Variants in ACYP1 observed in about 807,000 individuals in gnomAD.
The protein encoded by ACYP1 is acylphosphatase-1.
ACYP1 carries 8 observed loss-of-function variants against 10.4 expected under a neutral mutation model. The ratio of observed to expected loss-of-function variants is 0.77; its 90% CI spans 0.45 to 1.38. ACYP1 has a LOEUF of 1.38. Among genes scored for constraint, ACYP1 ranks in the 40% most tolerant of loss-of-function variants. The pLI is 0.00. For missense variants in ACYP1, 93 were observed against 117.3 expected (o/e 0.79, Z 0.96); for synonymous variants, 38 against 40.8 (o/e 0.93, Z 0.26).
intron 2 of ACYP1, among the ~76,000 whole-genome samples, chr14:75,054,532 T>A (rs530865281): frequency 6.6e-6 from 1 of 151,748 alleles, no homozygotes; most frequent in African/African-American, 2.4e-5. Flanking sequence ...TATTAAGTCA[T>A]TGATTGTTAA....
In ACYP1 at chr14:75,053,598, T is replaced by C; in HGVS notation, c.146A>G (p.Gln49Arg). ...GGAGATGGGACCTTGCAATTGTCCT[T>C]GCACTGTGCCCCGGTCAGTGTTCTG... ...WVQNTDRGTV[Q>R]GQLQGPISKV... Residue 49 changes from glutamine (Q) to arginine (R), a missense_variant, in exon 3 of 3, where the codon CAA becomes CGA. Physicochemically the swap from Gln to Arg is conservative, Grantham distance 43. Transcript: ENST00000238618. 6.2e-7 allele frequency: 1 copy of C among 1,614,168 alleles called. No individual in the cohort carries two copies. The highest frequency in any genetic ancestry group is 1.3e-5 in the African/African-American group (1 of 75,034).
intron 2 of ACYP1, among the ~76,000 whole-genome samples, chr14:75,054,861 A>G (rs1292539166): frequency 6.6e-6 from 1 of 151,388 alleles, no homozygotes; most frequent in African/African-American, 2.4e-5. Flanking sequence ...TAAAAGAAGA[A>G]TGCTGAGAAT....
At chr14:75,055,816 A>G (rs1892863733) in intron 2 of ACYP1, among the ~76,000 whole-genome samples, 1 of 151,546 alleles carries the variant, frequency 6.6e-6, no homozygotes, top group Non-Finnish European at 1.5e-5. Flanking sequence ...AATAGAGAAA[A>G]TCAATAAAAC....
intron 2 of ACYP1, among the ~76,000 whole-genome samples, chr14:75,062,632 GGTGAAACCCT>G (rs965244480): frequency 1.4e-5 from 2 of 143,046 alleles, no homozygotes; most frequent in Non-Finnish European, 3.0e-5. Flanking sequence ...TGGCCAAGAT[GGTGAAACCCT>G]GTCTCTACTA....
At chr14:75,054,113 C>G (rs759749649) in intron 2 of ACYP1, among the ~76,000 whole-genome samples, 14 of 152,190 alleles carry the variant, frequency 9.2e-5, no homozygotes, top group Non-Finnish European at 1.0e-4. Flanking sequence ...GTAAACAAAT[C>G]CAGATGAATT....
Position 75,053,422 on chromosome 14 carries a change from T to G in ACYP1, c.*22A>C. 6.2e-7 allele frequency: 1 copy of G among 1,605,100 alleles called. No individual in the cohort carries two copies. Among genetic ancestry groups the G allele is most frequent in the Non-Finnish European group, 8.5e-7 (1 of 1,172,026 alleles). On this transcript the variant is annotated 3_prime_UTR_variant, in exon 3 of 3. Transcript: ENST00000238618. ...AAAAACCAAACCACTGAGTTTATCT[T>G]AGAAAACTTAAATTCAGGCCATTAT...
intron 2 of ACYP1, among the ~76,000 whole-genome samples, chr14:75,055,391 C>G (rs998929848): frequency 2.0e-5 from 3 of 151,306 alleles, no homozygotes; most frequent in Admixed American, 6.6e-5. Context: ...CTGGCCTTAT[C>G]TGAACTCTTG....
In ACYP1 at chr14:75,060,040, A is replaced by G. The variant is rs1892979383; in HGVS notation, c.84+3430T>C. On this transcript the variant is annotated intron_variant, in intron 2 of 2. Transcript: ENST00000238618. The stretch of plus-strand genomic sequence containing the variant: ...AAGCGTTCTGTAGATAAACAGAACA[A>G]TGTGAATGTGCTTAAGACCACTGAA... 5 of 411,996 alleles carry G rather than the reference A, an allele frequency of 1.2e-5. No individual in the cohort carries two copies. The South Asian group carries it at 2.9e-4, about 24-fold the overall frequency. 25.5% of individuals were successfully genotyped at this position (411,996 alleles called of 1,614,324 possible). A position where few individuals can be genotyped will look rare whatever the true frequency, so the allele number is the denominator to read the frequency against.
chr14:75,053,750 A>T, intron 2 of ACYP1, 91 bp from the exon 3 acceptor site: 1 of 1,210,246 alleles, frequency 8.3e-7, no homozygotes, highest in South Asian at 1.3e-5. Context: ...GCCTAGAATC[A>T]AGCCACTGAA....
At chr14:75,066,070 C>T (rs961515676), upstream of ACYP1, among the ~76,000 whole-genome samples, 17 of 152,224 alleles carry the variant, frequency 1.1e-4, no homozygotes, top group African/African-American at 4.1e-4. Flanking sequence ...CTAGATATTG[C>T]TTTCCAAGTA....
intron 2 of ACYP1, 174 bp downstream of exon 2, chr14:75,063,296 A>G (rs901849759): frequency 8.3e-6 from 5 of 601,728 alleles, no homozygotes; most frequent in African/African-American, 1.9e-5. Flanking sequence ...TCTTCCATTT[A>G]CACCATGTTT....
At chr14:75,054,841 G>C (rs1396597279) in intron 2 of ACYP1, among the ~76,000 whole-genome samples, 1 of 151,480 alleles carries the variant, frequency 6.6e-6, no homozygotes, top group Non-Finnish European at 1.5e-5. Context: ...AAGTGCCAAA[G>C]AAGATACCAT....
chr14:75,058,301 T>C (rs1036684516), intron 2 of ACYP1, among the ~76,000 whole-genome samples: 6 of 150,756 alleles, frequency 4.0e-5, no homozygotes, highest in Non-Finnish European at 8.8e-5. Context: ...ATACAAAAAT[T>C]AGCTGGGTGT....
At chr14:75,068,775 C>T (rs910703938), upstream of ACYP1, among the ~76,000 whole-genome samples, 11 of 151,784 alleles carry the variant, frequency 7.2e-5, no homozygotes, top group African/African-American at 2.4e-5. Flanking sequence ...CGGGTAACAG[C>T]TGTAATATGA....
upstream of ACYP1, chr14:75,064,118 G>T: frequency 1.2e-6 from 1 of 804,626 alleles, no homozygotes; most frequent in Non-Finnish European, 1.5e-6. Flanking sequence ...CGGCGCCTCG[G>T]CCCGGGCCCG....
chr14:75,065,440 A>G (rs1360290168), upstream of ACYP1, among the ~76,000 whole-genome samples: 1 of 152,226 alleles, frequency 6.6e-6, no homozygotes, highest in African/African-American at 2.4e-5. Context: ...AGCTGGATTG[A>G]ATGTTGTACT....
intron 2 of ACYP1, among the ~76,000 whole-genome samples, chr14:75,057,976 AAAAAAAAAAAAAG>A (rs1433874662): frequency 1.4e-5 from 2 of 147,224 alleles, no homozygotes; most frequent in African/African-American, 2.5e-5. Context: ...AAAAAAAAAA[AAAAAAAAAAAAAG>A]AACTACCTGC....
intron 2 of ACYP1, among the ~76,000 whole-genome samples, chr14:75,058,458 T>C (rs1215661348): frequency 1.3e-5 from 2 of 150,874 alleles, no homozygotes; most frequent in Non-Finnish European, 2.9e-5. Flanking sequence ...TCAAAAAAAA[T>C]AAATAAAAAT....
intron 2 of ACYP1, among the ~76,000 whole-genome samples, chr14:75,057,984 A>AAAAAAAAAAAAT (rs1451670819): frequency 6.8e-6 from 1 of 147,224 alleles, no homozygotes; most frequent in Non-Finnish European, 1.5e-5. Flanking sequence ...AAAAAAAAAA[A>AAAAAAAAAAAAT]AAAAGAACTA....
Sources: allele counts gnomAD v4.1 joint callset (sites outside exome capture counted in the v4.1 genomes callset), GRCh38; gene constraint gnomAD v4.1.1; transcripts MANE v1.5; gene names NCBI Gene and HGNC (gene_info 2026-07-23, HGNC 2026-07-21).